The following MACROD2 variants were observed in gnomAD, a reference collection of about 807,000 sequenced individuals.
MACROD2 encodes mono-ADP ribosylhydrolase 2.
In MACROD2, 36 loss-of-function variants were observed where a neutral mutation model predicts 70.4. The observed-to-expected ratio is 0.51, with a 90% CI of 0.39 to 0.68. The LOEUF (loss-of-function observed/expected upper bound fraction) is 0.68, where lower values mean the gene tolerates loss of function less well. Ranked by LOEUF, MACROD2 falls within the 30% of genes least tolerant of loss-of-function variation. The probability of loss-of-function intolerance (pLI) is 0.00; values close to 1 mark genes in which losing one functional copy is unlikely to be tolerated. For missense variants in MACROD2, 496 were observed against 538.4 expected, an observed-to-expected ratio of 0.92 and a Z score of 0.78; for synonymous variants, 172 against 178.8, an observed-to-expected ratio of 0.96 and a Z score of 0.30.
chr20:14,627,503 G>T (rs115638944), intron 4 of MACROD2, among the ~76,000 whole-genome samples: 316 of 152,114 alleles, frequency 2.1e-3, no homozygotes, highest in African/African-American at 7.3e-3. Flanking sequence ...GTTCAATCCC[G>T]TTTCTCTCAC....
intron 8 of MACROD2, among the ~76,000 whole-genome samples, chr20:15,700,838 A>T (rs561821969): frequency 1.3e-5 from 2 of 152,236 alleles, no homozygotes; most frequent in Non-Finnish European, 2.9e-5. Flanking sequence ...CTTATATATG[A>T]TTGTAATAGA....
At chr20:15,346,301 G>A (rs1052339350) in intron 6 of MACROD2, among the ~76,000 whole-genome samples, 14 of 152,134 alleles carry the variant, frequency 9.2e-5, no homozygotes, top group Admixed American at 6.5e-4. Flanking sequence ...TTCCTGGAAA[G>A]ACTGTTAAGA....
intron 15 of MACROD2, among the ~76,000 whole-genome samples, chr20:16,018,914 A>C (rs894153842): frequency 6.6e-6 from 1 of 152,174 alleles, no homozygotes; most frequent in African/African-American, 2.4e-5. Context: ...CTTCACTATC[A>C]TGGAATCCTC....
At chr20:14,855,056 G>A (rs1421298846) in intron 5 of MACROD2, among the ~76,000 whole-genome samples, 1 of 152,128 alleles carries the variant, frequency 6.6e-6, no homozygotes, top group Non-Finnish European at 1.5e-5. Context: ...TAAGTATAAA[G>A]TGGTTATTTA....
intron 6 of MACROD2, among the ~76,000 whole-genome samples, chr20:15,242,779 T>G (rs1206875958): frequency 6.6e-6 from 1 of 152,200 alleles, no homozygotes; most frequent in Non-Finnish European, 1.5e-5. Flanking sequence ...AAATATTTGC[T>G]TACAGGTTTT....
At chr20:14,434,500 C>T (rs1182443376) in intron 3 of MACROD2, among the ~76,000 whole-genome samples, 1 of 152,070 alleles carries the variant, frequency 6.6e-6, no homozygotes, top group Non-Finnish European at 1.5e-5. Context: ...GATGCCCTTG[C>T]AATTGTTAGT....
intron 6 of MACROD2, among the ~76,000 whole-genome samples, chr20:15,284,163 C>G (rs1182308157): frequency 6.6e-6 from 1 of 151,734 alleles, no homozygotes; most frequent in Admixed American, 6.6e-5. Flanking sequence ...TATCTTGTGC[C>G]TTTTTTAATC....
intron 8 of MACROD2, among the ~76,000 whole-genome samples, chr20:15,509,082 A>G (rs2047465470): frequency 6.6e-6 from 1 of 152,208 alleles, no homozygotes; most frequent in African/African-American, 2.4e-5. Flanking sequence ...TACTCCTTTC[A>G]GAGAACCTGT....
chr20:14,871,700 T>C (rs997516395), intron 5 of MACROD2, among the ~76,000 whole-genome samples: 6 of 152,022 alleles, frequency 3.9e-5, no homozygotes, highest in Non-Finnish European at 8.8e-5. Context: ...GTGGGCTAAA[T>C]ACCCCAAATG....
intron 5 of MACROD2, among the ~76,000 whole-genome samples, chr20:14,998,789 C>T (rs1034433754): frequency 5.3e-5 from 8 of 152,112 alleles, no homozygotes; most frequent in East Asian, 3.9e-4. Flanking sequence ...GGTTATAGAA[C>T]GCCAAGCAAC....
At chr20:14,654,527 T>C (rs1411388517) in intron 4 of MACROD2, among the ~76,000 whole-genome samples, 7 of 148,262 alleles carry the variant, frequency 4.7e-5, no homozygotes, top group Admixed American at 6.8e-5. Context: ...CCCTGGGAGA[T>C]GGAGTGAGAC....
At chr20:14,460,973 T>C (rs552371769) in intron 3 of MACROD2, among the ~76,000 whole-genome samples, 4 of 151,960 alleles carry the variant, frequency 2.6e-5, no homozygotes, top group Non-Finnish European at 2.9e-5. Context: ...TTTTTTTTTA[T>C]CGTTCGGAAT....
chr20:15,079,177 T>C (rs1434927706), intron 5 of MACROD2, among the ~76,000 whole-genome samples: 1 of 142,710 alleles, frequency 7.0e-6, no homozygotes, highest in Non-Finnish European at 1.5e-5. Flanking sequence ...TTGTATGTCC[T>C]CAGATTATCC....
At chr20:14,261,955 C>T (rs1385868588) in intron 3 of MACROD2, among the ~76,000 whole-genome samples, 1 of 151,830 alleles carries the variant, frequency 6.6e-6, no homozygotes, top group African/African-American at 2.4e-5. Flanking sequence ...TCTCTTAGAC[C>T]ATAGTGTTTT....
intron 6 of MACROD2, among the ~76,000 whole-genome samples, chr20:15,419,357 A>G (rs2046197407): frequency 6.6e-6 from 1 of 152,144 alleles, no homozygotes; most frequent in Non-Finnish European, 1.5e-5. Context: ...TCCAGCATCC[A>G]GGGGCAGTCC....
chr20:14,950,577 T>A (rs1021688102), intron 5 of MACROD2, among the ~76,000 whole-genome samples: 5 of 152,070 alleles, frequency 3.3e-5, no homozygotes, highest in Non-Finnish European at 5.9e-5. Context: ...CCACATTAGG[T>A]ATTATTTTGT....
At chr20:14,507,260 T>G (rs1002830964) in intron 4 of MACROD2, among the ~76,000 whole-genome samples, 1 of 152,102 alleles carries the variant, frequency 6.6e-6, no homozygotes, top group Non-Finnish European at 1.5e-5. Context: ...CTTTCCTCTC[T>G]TTCTGGGGCT....
chr20:14,575,017 C>CAAAAAAAAAAA (rs1195216470), intron 4 of MACROD2, among the ~76,000 whole-genome samples: 38 of 49,920 alleles, frequency 7.6e-4, no homozygotes, highest in African/African-American at 2.1e-3. Flanking sequence ...GACTCTGTCT[C>CAAAAAAAAAAA]AAAAAAAAAA....
At chr20:14,867,028 T>G (rs1245828570) in intron 5 of MACROD2, among the ~76,000 whole-genome samples, 2 of 152,134 alleles carry the variant, frequency 1.3e-5, no homozygotes, top group African/African-American at 4.8e-5. Flanking sequence ...ATGTGGAAGC[T>G]GTCAATGTTA....
Sources: allele counts gnomAD v4.1 joint callset (sites outside exome capture counted in the v4.1 genomes callset), GRCh38; gene constraint gnomAD v4.1.1; transcripts MANE v1.5; gene names NCBI Gene and HGNC (gene_info 2026-07-23, HGNC 2026-07-21).